Variants in MACROD2 observed in about 807,000 individuals in gnomAD.
MACROD2 encodes mono-ADP ribosylhydrolase 2.
Under a neutral mutation model 70.4 loss-of-function variants are expected in MACROD2, and 36 were observed. The ratio of observed to expected loss-of-function variants is 0.51; its 90% CI spans 0.39 to 0.68. The LOEUF (loss-of-function observed/expected upper bound fraction) is 0.68. MACROD2 is among the 30% of genes least tolerant of loss of function. MACROD2 has a pLI of 0.00. For missense variants in MACROD2, 496 were observed against 538.4 expected, an observed-to-expected ratio of 0.92 and a Z score of 0.78; for synonymous variants, 172 against 178.8, an observed-to-expected ratio of 0.96 and a Z score of 0.30.
chr20:14,617,408 T>C (rs991801181), intron 4 of MACROD2, among the ~76,000 whole-genome samples: 2 of 152,118 alleles, frequency 1.3e-5, no homozygotes, highest in African/African-American at 4.8e-5. Context: ...TTTACCCTTC[T>C]TTGCATCTTT....
chr20:14,561,762 G>A (rs780358752), intron 4 of MACROD2, among the ~76,000 whole-genome samples: 1 of 151,758 alleles, frequency 6.6e-6, no homozygotes, highest in East Asian at 1.9e-4. Flanking sequence ...AATCTGTCAC[G>A]TAATAGGAAA....
intron 2 of MACROD2, among the ~76,000 whole-genome samples, chr20:14,066,760 A>G (rs1202851278): frequency 2.0e-5 from 3 of 150,798 alleles, no homozygotes; most frequent in East Asian, 1.9e-4. Context: ...TGAAAATCCT[A>G]CACTTGACTG....
At chr20:15,529,663 A>G (rs924705432) in intron 8 of MACROD2, among the ~76,000 whole-genome samples, 2 of 152,198 alleles carry the variant, frequency 1.3e-5, no homozygotes, top group Non-Finnish European at 2.9e-5. Context: ...TTAAACTGTA[A>G]TAGTTACGTA....
chr20:14,638,180 C>T (rs1388343490), intron 4 of MACROD2, among the ~76,000 whole-genome samples: 1 of 152,084 alleles, frequency 6.6e-6, no homozygotes, highest in Non-Finnish European at 1.5e-5. Context: ...GTTGAATTAT[C>T]TCTATCATGA....
At chr20:14,183,709 G>A (rs984918170) in intron 3 of MACROD2, among the ~76,000 whole-genome samples, 5 of 152,022 alleles carry the variant, frequency 3.3e-5, no homozygotes, top group Admixed American at 2.0e-4. Context: ...GTTATTTTGT[G>A]ACTTTTTAAT....
At chr20:15,719,821 C>G (rs1186591526) in intron 8 of MACROD2, among the ~76,000 whole-genome samples, 1 of 152,144 alleles carries the variant, frequency 6.6e-6, no homozygotes, top group Non-Finnish European at 1.5e-5. Context: ...ATTCTCTCTT[C>G]TAGCTATTTT....
chr20:14,531,893 C>T (rs1600349075), intron 4 of MACROD2, among the ~76,000 whole-genome samples: 1 of 152,110 alleles, frequency 6.6e-6, no homozygotes, highest in Non-Finnish European at 1.5e-5. Flanking sequence ...AGTTTTTTCT[C>T]CCCACCCCAT....
intron 5 of MACROD2, among the ~76,000 whole-genome samples, chr20:15,143,316 G>T (rs2076206314): frequency 6.6e-6 from 1 of 152,198 alleles, no homozygotes; most frequent in Admixed American, 6.5e-5. Context: ...CTTCTTTTGA[G>T]AAGTGTCTGT....
chr20:14,871,468 T>G (rs1237070749), intron 5 of MACROD2, among the ~76,000 whole-genome samples: 1 of 152,004 alleles, frequency 6.6e-6, no homozygotes, highest in African/African-American at 2.4e-5. Flanking sequence ...GACAAGTAAA[T>G]GCTAAGGGAA....
intron 3 of MACROD2, among the ~76,000 whole-genome samples, chr20:14,117,796 A>G (rs1424482599): frequency 2.0e-5 from 3 of 152,092 alleles, no homozygotes; most frequent in Non-Finnish European, 1.5e-5. Flanking sequence ...GTTTTTCACC[A>G]CATTATATAA....
intron 5 of MACROD2, among the ~76,000 whole-genome samples, chr20:15,135,175 A>G (rs1229230429): frequency 6.6e-6 from 1 of 151,256 alleles, no homozygotes; most frequent in Admixed American, 6.6e-5. Context: ...AACTATTCCA[A>G]TCAATAGAAA....
chr20:14,630,322 C>T (rs1013817357), intron 4 of MACROD2, among the ~76,000 whole-genome samples: 3 of 152,110 alleles, frequency 2.0e-5, no homozygotes, highest in East Asian at 1.9e-4. Flanking sequence ...GCATCTACAC[C>T]GATTTCTATA....
At chr20:14,688,599 A>G (rs563160614) in intron 5 of MACROD2, among the ~76,000 whole-genome samples, 1 of 152,204 alleles carries the variant, frequency 6.6e-6, no homozygotes, top group Non-Finnish European at 1.5e-5. Flanking sequence ...TAGAAAGTAG[A>G]TGGAGGATTG....
rs34439735 is a variant in MACROD2 at position 15,442,439 on chromosome 20, G to C, written c.571+11004G>C. Among the ~76,000 whole-genome samples the C allele has an allele frequency of 3.9e-3, 600 of 152,200 alleles. 2 individuals carry two copies. Among genetic ancestry groups the C allele is most frequent in the South Asian group, 6.7e-3 (32 of 4,812 alleles). On this transcript the variant is annotated intron_variant, in intron 7 of 17. Coordinates refer to ENST00000684519, the MANE Select transcript of MACROD2 (RefSeq NM_001351661.2). ...TCCACTCTGTCATTCAAGGAGCCAGGAATCTACCATGGTGTCAATGCCTTC... is the reference window on the plus strand; with the variant it reads ...TCCACTCTGTCATTCAAGGAGCCAGCAATCTACCATGGTGTCAATGCCTTC...
At chr20:15,267,150 A>G (rs2077302686) in intron 6 of MACROD2, among the ~76,000 whole-genome samples, 1 of 152,120 alleles carries the variant, frequency 6.6e-6, no homozygotes, top group Non-Finnish European at 1.5e-5. Flanking sequence ...ATCTACCTGC[A>G]AAGCAGTCAT....
chr20:15,060,264 T>G (rs2075521603), intron 5 of MACROD2, among the ~76,000 whole-genome samples: 1 of 152,212 alleles, frequency 6.6e-6, no homozygotes, highest in African/African-American at 2.4e-5. Context: ...TTTTGAAGGT[T>G]GAAGTGAAGC....
At chr20:14,042,918 G>GTTTT (rs573192408) in intron 2 of MACROD2, among the ~76,000 whole-genome samples, 1 of 141,256 alleles carries the variant, frequency 7.1e-6, no homozygotes, top group Non-Finnish European at 1.5e-5. Flanking sequence ...CAGGTGGTGG[G>GTTTT]TTTTTTTTTT....
At chr20:14,847,414 A>G (rs950806943) in intron 5 of MACROD2, among the ~76,000 whole-genome samples, 4 of 151,958 alleles carry the variant, frequency 2.6e-5, no homozygotes, top group African/African-American at 9.7e-5. Context: ...GGTAAAATTA[A>G]CAAGGAATTG....
intron 5 of MACROD2, among the ~76,000 whole-genome samples, chr20:15,142,386 T>G (rs1438170587): frequency 6.6e-6 from 1 of 152,214 alleles, no homozygotes; most frequent in East Asian, 1.9e-4. Context: ...TGTCCACAGG[T>G]TACCTATCAT....
Sources: allele counts gnomAD v4.1 joint callset (sites outside exome capture counted in the v4.1 genomes callset), GRCh38; gene constraint gnomAD v4.1.1; transcripts MANE v1.5; gene names NCBI Gene and HGNC (gene_info 2026-07-23, HGNC 2026-07-21).